Variants in FNDC3A observed in about 807,000 individuals in gnomAD.
The protein encoded by FNDC3A is fibronectin type-III domain-containing protein 3A.
FNDC3A carries 32 observed loss-of-function variants against 148.9 expected under a neutral mutation model. That is an observed-to-expected ratio of 0.21 (90% CI 0.16 to 0.29). The LOEUF (loss-of-function observed/expected upper bound fraction) is 0.29. Ranked by LOEUF, FNDC3A falls within the 10% of genes least tolerant of loss-of-function variation. FNDC3A has a pLI of 1.00. For missense variants in FNDC3A, 1,191 were observed against 1,452.8 expected (o/e 0.82, Z 2.93); for synonymous variants, 472 against 473.6 (o/e 1.00, Z 0.04).
chr13:48,975,869 G>A (rs1423394905), upstream of FNDC3A: 1 of 151,298 alleles, frequency 6.6e-6, no homozygotes, highest in African/African-American at 2.4e-5. Flanking sequence ...TCCGTCGGCG[G>A]GGCCCGCGCA....
intron 2 of FNDC3A, among the ~76,000 whole-genome samples, chr13:49,026,173 A>G (rs1277045013): frequency 1.3e-5 from 2 of 152,230 alleles, no homozygotes; most frequent in African/African-American, 4.8e-5. Flanking sequence ...GATTTGTAAG[A>G]TGTGAAGTCA....
Position 49,168,601 on chromosome 13 carries a change from T to C in FNDC3A, c.1038-12T>C, listed in dbSNP as rs113063936. 1.7e-4 allele frequency: 264 copies of C among 1,597,208 alleles called. No individual in the cohort carries two copies. The African/African-American group carries it at 1.8e-3, about 11-fold the overall frequency. On this transcript the variant is annotated splice_polypyrimidine_tract_variant and intron_variant, in intron 9 of 25. Coordinates refer to ENST00000492622, the MANE Select transcript of FNDC3A (RefSeq NM_001079673.2). The stretch of plus-strand genomic sequence containing the variant: ...ATTATGAAAGGTAAAACTATTTATT[T>C]TATCACCATAGAGTCCAGGCAGAAT...
chr13:49,109,133 TTAAG>T (rs1880386760), intron 3 of FNDC3A, among the ~76,000 whole-genome samples: 1 of 152,234 alleles, frequency 6.6e-6, no homozygotes, highest in African/African-American at 2.4e-5. Flanking sequence ...CTTGTTAGGA[TTAAG>T]TGAGTTAACG....
chr13:49,174,869 A>C (rs1884946053), intron 12 of FNDC3A, among the ~76,000 whole-genome samples: 1 of 152,178 alleles, frequency 6.6e-6, no homozygotes, highest in African/African-American at 2.4e-5. Context: ...AAGTCAGGTG[A>C]ACTGTAAGAA....
chr13:49,151,105 A>C (rs1247410801), intron 8 of FNDC3A, among the ~76,000 whole-genome samples: 4 of 152,134 alleles, frequency 2.6e-5, no homozygotes, highest in Non-Finnish European at 5.9e-5. Context: ...CATTTGGTCT[A>C]ATGTGCCATT....
intron 3 of FNDC3A, among the ~76,000 whole-genome samples, chr13:49,108,042 AC>A (rs1314852263): frequency 1.3e-5 from 2 of 152,162 alleles, no homozygotes; most frequent in African/African-American, 2.4e-5. Flanking sequence ...AAGAAAGAGA[AC>A]TGGAGAGATG....
At position 49,076,933 on chromosome 13, in the gene FNDC3A, A is replaced by G. The variant is rs370465167; in HGVS notation, c.175+1569A>G. ...TCTTACATTTCTTTGTATCCCCTTC[A>G]ATTCTTGGCCTTCCATATGTTGGGT... On this transcript the variant is annotated intron_variant, in intron 3 of 25. Transcript: ENST00000492622. Among the ~76,000 whole-genome samples, 37 of 152,320 alleles carry G rather than the reference A, an allele frequency of 2.4e-4. No homozygotes were observed. In the East Asian group the frequency reaches 4.2e-3, roughly 17 times the overall value.
chr13:49,098,118 A>G (rs1390828068), intron 3 of FNDC3A, among the ~76,000 whole-genome samples: 2 of 152,126 alleles, frequency 1.3e-5, no homozygotes, highest in Non-Finnish European at 2.9e-5. Context: ...GCTGTGAGGA[A>G]ACTAACATAT....
intron 7 of FNDC3A, among the ~76,000 whole-genome samples, chr13:49,142,659 C>T (rs531460109): frequency 4.6e-5 from 7 of 152,120 alleles, no homozygotes; most frequent in Non-Finnish European, 8.8e-5. Context: ...TACATATGAA[C>T]ATGCCTTGGA....
rs958137330 is a variant in FNDC3A at position 49,025,115 on chromosome 13, C to CT, written c.99+18832dup. On this transcript the variant is annotated intron_variant, in intron 2 of 25. Transcript: ENST00000492622. ...AAAATAGGTTAGTTTTCAAATACTG[C>CT]TTTTTTGGAATTGAAATACAATTCC... 2.5e-4 allele frequency among the ~76,000 whole-genome samples: 38 copies of CT among 151,928 alleles called. No homozygotes were observed. In the East Asian group the frequency reaches 6.6e-3, roughly 26 times the overall value.
intron 8 of FNDC3A, among the ~76,000 whole-genome samples, chr13:49,154,149 G>A (rs1195476853): frequency 6.8e-6 from 1 of 147,338 alleles, no homozygotes; most frequent in Admixed American, 6.8e-5. Context: ...TCCTACCCAT[G>A]AGCATGGAAT....
chr13:49,071,695 A>T (rs1340425964), intron 2 of FNDC3A, among the ~76,000 whole-genome samples: 5 of 145,954 alleles, frequency 3.4e-5, no homozygotes, highest in Non-Finnish European at 7.5e-5. Context: ...GTCTACTCAG[A>T]TCTTTTGCCT....
chr13:49,181,348 C>T (rs1424212814), intron 14 of FNDC3A, among the ~76,000 whole-genome samples: 1 of 152,204 alleles, frequency 6.6e-6, no homozygotes, highest in Non-Finnish European at 1.5e-5. Flanking sequence ...GCCATTTTGT[C>T]AGTATCGCCT....
At chr13:49,116,451 G>A (rs372794335) in intron 4 of FNDC3A, among the ~76,000 whole-genome samples, 13 of 152,280 alleles carry the variant, frequency 8.5e-5, no homozygotes, top group African/African-American at 2.6e-4. Flanking sequence ...GACTCATGCC[G>A]CTCTGTGGTT....
Position 49,188,517 on chromosome 13 carries a change from A to C in FNDC3A, c.1828A>C (p.Asn610His). The C allele has an allele frequency of 6.2e-7, 1 of 1,603,680 alleles. No homozygotes were observed. Residue 610 changes from asparagine to histidine, a missense_variant and splice_region_variant, in exon 17 of 26, where the codon AAC becomes CAC. Asn to His is a moderately conservative substitution (Grantham distance 68). Transcript: ENST00000492622. Reference sequence around the variant, plus strand: ...GAACACAATTCCTCACCTTACAGGAAACAAATGGGAAATGATATACAGTGG... The same window carrying C: ...GAACACAATTCCTCACCTTACAGGACACAAATGGGAAATGATATACAGTGG... ...VVEMAEGSNG[N>H]KWEMIYSGAT...
chr13:49,013,511 T>C (rs773324029), intron 2 of FNDC3A, among the ~76,000 whole-genome samples: 12 of 151,906 alleles, frequency 7.9e-5, no homozygotes, highest in South Asian at 2.1e-4. Flanking sequence ...TGCGTATACA[T>C]ATGTACACGT....
At chr13:49,071,305 C>A (rs758008708) in intron 2 of FNDC3A, among the ~76,000 whole-genome samples, 4 of 152,010 alleles carry the variant, frequency 2.6e-5, no homozygotes, top group Non-Finnish European at 5.9e-5. Context: ...GATTCCATAT[C>A]TTGGCTACTG....
chr13:49,191,807 CA>C (rs1198076250), intron 19 of FNDC3A, among the ~76,000 whole-genome samples: 2 of 151,974 alleles, frequency 1.3e-5, no homozygotes, highest in Non-Finnish European at 2.9e-5. Context: ...AATTATGATT[CA>C]TTTTTTTTGC....
intron 3 of FNDC3A, among the ~76,000 whole-genome samples, chr13:49,080,364 G>A (rs1414917638): frequency 1.3e-5 from 2 of 152,030 alleles, no homozygotes; most frequent in African/African-American, 4.8e-5. Flanking sequence ...TATATTTCCT[G>A]ATATGAACCC....
Sources: allele counts gnomAD v4.1 joint callset (sites outside exome capture counted in the v4.1 genomes callset), GRCh38; gene constraint gnomAD v4.1.1; transcripts MANE v1.5; gene names NCBI Gene and HGNC (gene_info 2026-07-23, HGNC 2026-07-21).